Variants in GPI observed in about 807,000 individuals in gnomAD.
The protein encoded by GPI is D-hexose-6-phosphate anomerase.
A neutral mutation model predicts 75.8 loss-of-function variants in GPI; 56 were observed. The observed-to-expected ratio is 0.74, with a 90% CI of 0.60 to 0.92. The LOEUF (loss-of-function observed/expected upper bound fraction) is 0.92. Among genes scored for constraint, GPI ranks in the 40% least tolerant of loss-of-function variants. GPI has a pLI of 0.00. For missense variants in GPI, 638 were observed against 741.0 expected, an observed-to-expected ratio of 0.86 and a Z score of 1.61; for synonymous variants, 288 against 285.4, an observed-to-expected ratio of 1.01 and a Z score of -0.09.
chr19:34,372,756 C>G (rs937341804), intron 4 of GPI, among the ~76,000 whole-genome samples: 2 of 152,150 alleles, frequency 1.3e-5, no homozygotes, highest in African/African-American at 4.8e-5. Flanking sequence ...GCTTGGGCAA[C>G]CTAGACCCTG....
intron 3 of GPI, chr19:34,367,150 A>G (rs1272292807): frequency 2.0e-6 from 1 of 511,274 alleles, no homozygotes; most frequent in Non-Finnish European, 3.6e-6. Flanking sequence ...ACTCTAATAT[A>G]TCCTCAATGC....
chr19:34,394,933 C>T (rs1481279346), intron 12 of GPI, among the ~76,000 whole-genome samples: 1 of 151,948 alleles, frequency 6.6e-6, no homozygotes, highest in Non-Finnish European at 1.5e-5. Context: ...AGGCTGGTTT[C>T]GAACTCCTGG....
intron 12 of GPI, 54 bp from the exon 13 acceptor site, chr19:34,396,247 C>A (rs1451384520): frequency 6.2e-7 from 1 of 1,608,670 alleles, no homozygotes; most frequent in Non-Finnish European, 8.5e-7. Context: ...CTCTTTCTTT[C>A]TTTTTAAATG....
intron 1 of GPI, chr19:34,365,656 T>G (rs1236928856): frequency 1.6e-6 from 1 of 627,140 alleles, no homozygotes. Context: ...ACATTTCCCC[T>G]CCTCCTCCCC....
intron 6 of GPI, 120 bp from the exon 7 acceptor site, chr19:34,378,814 C>G: frequency 1.3e-6 from 1 of 770,314 alleles, no homozygotes; most frequent in Admixed American, 1.9e-5. Context: ...TGTCACTGAC[C>G]TGCAAATACT....
chr19:34,373,161 C>T (rs531398685), intron 4 of GPI, among the ~76,000 whole-genome samples: 18 of 151,434 alleles, frequency 1.2e-4, no homozygotes, highest in African/African-American at 3.6e-4. Flanking sequence ...CCGAGGTGGG[C>T]GGATCACTTC....
chr19:34,376,309 G>A (rs555423405), intron 4 of GPI, among the ~76,000 whole-genome samples: 18 of 152,180 alleles, frequency 1.2e-4, no homozygotes, highest in African/African-American at 3.4e-4. Flanking sequence ...TAATCCAAGC[G>A]CTTTGGGAGG....
At position 34,393,483 on chromosome 19, in the gene GPI, G is replaced by T; in HGVS notation, c.865+175G>T. 1 of 739,544 alleles carries T rather than the reference G, an allele frequency of 1.4e-6. No individual in the cohort carries two copies. Among genetic ancestry groups the T allele is most frequent in the African/African-American group, 1.7e-5 (1 of 57,324 alleles). 45.8% of individuals were successfully genotyped at this position (739,544 alleles called of 1,614,324 possible). ...AAGGAAGGTCTGGGTTTTTTTGCGT[G>T]TGCAAGTTGGCCCCCGTCTTTGCCC... On this transcript the variant is annotated intron_variant, in intron 10 of 17. Coordinates refer to ENST00000356487, the MANE Select transcript of GPI (RefSeq NM_000175.5). The surrounding 1 kb of genome is among the most constrained non-coding windows in gnomAD (Gnocchi z 4.4).
At chr19:34,381,281 T>G in intron 8 of GPI, 185 bp from the exon 9 acceptor site, 1 of 673,422 alleles carries the variant, frequency 1.5e-6, no homozygotes, top group Non-Finnish European at 2.7e-6. Context: ...GTGTCCAGCT[T>G]GGGGTGGGCA....
At chr19:34,367,992 C>T (rs1013980934) in intron 3 of GPI, among the ~76,000 whole-genome samples, 1 of 152,208 alleles carries the variant, frequency 6.6e-6, no homozygotes, top group East Asian at 1.9e-4. Context: ...GCGATCTTGG[C>T]TCACTGCAAC....
intron 14 of GPI, chr19:34,397,143 C>T: frequency 4.4e-6 from 1 of 226,640 alleles, no homozygotes; most frequent in Non-Finnish European, 8.9e-6. Context: ...AAATATCCAG[C>T]AGGCCCTGAT....
chr19:34,400,972 C>T lies in GPI; in HGVS notation c.*936C>T, dbSNP rs1332027139. On this transcript the variant is annotated 3_prime_UTR_variant, in exon 18 of 18. Coordinates refer to ENST00000356487, the MANE Select transcript of GPI (RefSeq NM_000175.5). ...AACTCCTGACCTCAGGTGATCTGCC[C>T]GCCTCAGCCTCCCACAGTGCTGGGA... 2.9e-5 allele frequency: 6 copies of T among 209,942 alleles called. No homozygotes were observed. Among genetic ancestry groups the T allele is most frequent in the African/African-American group, 6.9e-5 (3 of 43,416 alleles). 13.0% of individuals were successfully genotyped at this position (209,942 alleles called of 1,614,324 possible).
chr19:34,375,671 G>A lies in GPI; in HGVS notation c.403-1832G>A, dbSNP rs75472629. On this transcript the variant is annotated intron_variant, in intron 4 of 17. Transcript: ENST00000356487. ...GACTTTTGGAAAAAGGCCTTAGTTC[G>A]CTGCCGCGTGGGCTTCTTTATGAAA... Among the ~76,000 whole-genome samples the A allele has an allele frequency of 1.5e-4, 23 of 152,302 alleles. No individual in the cohort carries two copies. The East Asian group carries it at 3.1e-3, about 20-fold the overall frequency.
At chr19:34,371,583 G>C (rs908283459) in intron 4 of GPI, among the ~76,000 whole-genome samples, 1 of 152,120 alleles carries the variant, frequency 6.6e-6, no homozygotes, top group Non-Finnish European at 1.5e-5. Flanking sequence ...TGGTGCAGTG[G>C]CTCACACCTG....
intron 12 of GPI, among the ~76,000 whole-genome samples, chr19:34,394,358 T>C (rs2074914265): frequency 1.4e-5 from 2 of 142,072 alleles, no homozygotes; most frequent in Non-Finnish European, 3.1e-5. Flanking sequence ...GGGTCACTTC[T>C]TTCTTGCACA....
chr19:34,381,373 CG>C, intron 8 of GPI, 92 bp from the exon 9 acceptor site: 1 of 871,140 alleles, frequency 1.1e-6, no homozygotes, highest in Admixed American at 1.7e-5. Context: ...GCTCAGCTCA[CG>C]GAGCACAGCT....
intron 12 of GPI, among the ~76,000 whole-genome samples, chr19:34,395,829 T>C (rs948316056): frequency 2.6e-5 from 4 of 151,760 alleles, no homozygotes; most frequent in Admixed American, 6.6e-5. Flanking sequence ...GGCAGGACTT[T>C]GGCATGGTGC....
chr19:34,378,852 T>C, intron 6 of GPI, 82 bp from the exon 7 acceptor site: 1 of 975,074 alleles, frequency 1.0e-6, no homozygotes, highest in East Asian at 2.4e-5. Flanking sequence ...GGCATTGCCT[T>C]GGCCTCTACT....
chr19:34,367,015 GGT>G, intron 3 of GPI, 164 bp downstream of exon 3: 2 of 707,640 alleles, frequency 2.8e-6, no homozygotes, highest in Non-Finnish European at 5.1e-6. Context: ...AGGGCTTTGG[GGT>G]GTGCCTTCCA....
Sources: gnomAD v4.1 joint callset for allele counts (sites outside exome capture counted in the v4.1 genomes callset) on GRCh38, gnomAD v4.1.1 for gene constraint, Gnocchi (gnomAD v3.1) non-coding constraint, MANE v1.5 for transcripts, NCBI Gene and HGNC (gene_info 2026-07-23, HGNC 2026-07-21) for gene names.